GALNTL6: variants seen among roughly 807,000 people sequenced by gnomAD.
GALNTL6 encodes the protein polypeptide N-acetylgalactosaminyltransferase-like 6.
A neutral mutation model predicts 73.7 loss-of-function variants in GALNTL6; 46 were observed. The ratio of observed to expected loss-of-function variants is 0.62; its 90% CI spans 0.49 to 0.80. The LOEUF is 0.80. GALNTL6 is among the 30% of genes least tolerant of loss of function. GALNTL6 has a pLI of 0.00. For missense variants in GALNTL6, 604 were observed against 755.0 expected (o/e 0.80, Z 2.34); for synonymous variants, 259 against 263.7 (o/e 0.98, Z 0.17).
At chr4:172,547,187 T>C (rs370909039) in intron 5 of GALNTL6, among the ~76,000 whole-genome samples, 39 of 152,074 alleles carry the variant, frequency 2.6e-4, no homozygotes, top group African/African-American at 8.7e-4. Flanking sequence ...GGGTGGGAGG[T>C]GTGAGCAGTG....
At chr4:172,997,783 C>T (rs979828298) in intron 10 of GALNTL6, among the ~76,000 whole-genome samples, 3 of 152,004 alleles carry the variant, frequency 2.0e-5, no homozygotes, top group South Asian at 2.1e-4. Context: ...AGATGGACAC[C>T]GTAAATACCC....
intron 8 of GALNTL6, among the ~76,000 whole-genome samples, chr4:172,923,813 A>C (rs1419968029): frequency 6.6e-6 from 1 of 152,156 alleles, no homozygotes; most frequent in Non-Finnish European, 1.5e-5. Context: ...GGCAGCAGGC[A>C]AAAAGAGCTT....
At chr4:173,007,203 C>T (rs983629147) in intron 10 of GALNTL6, among the ~76,000 whole-genome samples, 3 of 152,114 alleles carry the variant, frequency 2.0e-5, no homozygotes, top group African/African-American at 7.2e-5. Context: ...GCCTCATTGC[C>T]CACCCCAGCA....
chr4:172,990,905 A>C (rs1026971739), intron 10 of GALNTL6, among the ~76,000 whole-genome samples: 1 of 152,174 alleles, frequency 6.6e-6, no homozygotes, highest in Non-Finnish European at 1.5e-5. Flanking sequence ...AAAATTAAAA[A>C]CCATTTTATA....
chr4:172,101,529 T>TC (rs1178797273), intron 2 of GALNTL6, among the ~76,000 whole-genome samples: 5 of 152,220 alleles, frequency 3.3e-5, no homozygotes, highest in Non-Finnish European at 7.3e-5. Context: ...TTATTCAAGA[T>TC]CACCTACATT....
intron 5 of GALNTL6, among the ~76,000 whole-genome samples, chr4:172,625,037 G>A (rs1739111890): frequency 6.6e-6 from 1 of 151,626 alleles, no homozygotes; most frequent in Non-Finnish European, 1.5e-5. Flanking sequence ...ATGGATTTCG[G>A]GGTCTCAATT....
intron 7 of GALNTL6, among the ~76,000 whole-genome samples, chr4:172,818,917 C>G (rs1452892870): frequency 1.3e-5 from 2 of 152,184 alleles, no homozygotes; most frequent in African/African-American, 2.4e-5. Flanking sequence ...ATTTTATTCT[C>G]TCAGAAACCA....
intron 2 of GALNTL6, among the ~76,000 whole-genome samples, chr4:172,027,625 C>T (rs575839235): frequency 2.0e-5 from 2 of 100,768 alleles, no homozygotes; most frequent in East Asian, 2.6e-4. Flanking sequence ...AGAAAAATCA[C>T]ATGTCTCTCA....
At chr4:172,700,382 G>T (rs1016239511) in intron 5 of GALNTL6, among the ~76,000 whole-genome samples, 3 of 152,156 alleles carry the variant, frequency 2.0e-5, no homozygotes, top group African/African-American at 7.2e-5. Flanking sequence ...AATGATAAAA[G>T]AAAGGGAATT....
chr4:172,718,656 T>A (rs1306466616), intron 5 of GALNTL6, among the ~76,000 whole-genome samples: 2 of 151,288 alleles, frequency 1.3e-5, no homozygotes, highest in African/African-American at 4.9e-5. Flanking sequence ...AAAAAAAAAA[T>A]CATCTGTAAA....
intron 5 of GALNTL6, among the ~76,000 whole-genome samples, chr4:172,675,344 C>T (rs1732225278): frequency 6.6e-6 from 1 of 152,200 alleles, no homozygotes; most frequent in South Asian, 2.1e-4. Flanking sequence ...ATCCACTGCG[C>T]TGTGAAGGCC....
chr4:172,958,625 A>G (rs944482073), intron 10 of GALNTL6, among the ~76,000 whole-genome samples: 1 of 152,234 alleles, frequency 6.6e-6, no homozygotes, highest in Non-Finnish European at 1.5e-5. Context: ...TCAGTCAGAC[A>G]TGATCGGCAG....
At chr4:172,050,307 T>C (rs59468166) in intron 2 of GALNTL6, among the ~76,000 whole-genome samples, 8,388 of 152,110 alleles carry the variant, frequency 0.055, 744 homozygotes, top group African/African-American at 0.19. Flanking sequence ...AGATGAGGGT[T>C]TTTTAAGAGC....
At chr4:172,059,942 C>T (rs1308062987) in intron 2 of GALNTL6, among the ~76,000 whole-genome samples, 1 of 152,118 alleles carries the variant, frequency 6.6e-6, no homozygotes, top group Non-Finnish European at 1.5e-5. Flanking sequence ...ACAGGGCTCC[C>T]AGGAAGCCCA....
chr4:171,844,179 C>A (rs749073049), intron 2 of GALNTL6, among the ~76,000 whole-genome samples: 2 of 151,950 alleles, frequency 1.3e-5, no homozygotes, highest in Admixed American at 6.6e-5. Flanking sequence ...AATCTTTTTT[C>A]TTCTAGTTTG....
chr4:172,830,201 CAG>C (rs1365920676), intron 7 of GALNTL6, among the ~76,000 whole-genome samples: 1 of 151,992 alleles, frequency 6.6e-6, no homozygotes, highest in Non-Finnish European at 1.5e-5. Flanking sequence ...TTTGACATGG[CAG>C]AGATAAAGGA....
chr4:172,371,684 CCTCT>C (rs907751459), intron 5 of GALNTL6, among the ~76,000 whole-genome samples: 1 of 150,504 alleles, frequency 6.6e-6, no homozygotes, highest in Admixed American at 6.6e-5. Flanking sequence ...TCTGTCTCTT[CCTCT>C]CTCTCTCTCT....
intron 2 of GALNTL6, among the ~76,000 whole-genome samples, chr4:172,193,854 C>G (rs1735662398): frequency 6.6e-6 from 1 of 151,868 alleles, no homozygotes; most frequent in Non-Finnish European, 1.5e-5. Flanking sequence ...AGAGCAAACT[C>G]CATCTCAAAA....
intron 5 of GALNTL6, among the ~76,000 whole-genome samples, chr4:172,706,469 T>C (rs1734360134): frequency 6.6e-6 from 1 of 152,108 alleles, no homozygotes; most frequent in African/African-American, 2.4e-5. Flanking sequence ...CATTTTTTTG[T>C]CCATTTGGGG....
Sources: gnomAD v4.1 joint callset for allele counts (sites outside exome capture counted in the v4.1 genomes callset) on GRCh38, gnomAD v4.1.1 for gene constraint, MANE v1.5 for transcripts, NCBI Gene and HGNC (gene_info 2026-07-23, HGNC 2026-07-21) for gene names.